Variants in CNTN5 observed in about 807,000 individuals in gnomAD.
CNTN5 encodes the protein contactin-5.
In CNTN5, 77 loss-of-function variants were observed where a neutral mutation model predicts 129.1. That is an observed-to-expected ratio of 0.60 (90% CI 0.50 to 0.72). CNTN5 has a LOEUF of 0.72. CNTN5 is among the 30% of genes least tolerant of loss of function. The probability of loss-of-function intolerance (pLI) is 0.00; values close to 1 mark genes in which losing one functional copy is unlikely to be tolerated. For missense variants in CNTN5, 1,478 were observed against 1,328.8 expected, an observed-to-expected ratio of 1.11 and a Z score of -1.75; for synonymous variants, 509 against 465.6, an observed-to-expected ratio of 1.09 and a Z score of -1.20.
At chr11:100,092,337 T>A (rs987586898) in intron 13 of CNTN5, among the ~76,000 whole-genome samples, 1 of 152,142 alleles carries the variant, frequency 6.6e-6, no homozygotes, top group Non-Finnish European at 1.5e-5. Flanking sequence ...CGGTGAAGCA[T>A]CTGCAAAGCC....
chr11:99,915,682 A>G (rs1225567404), intron 6 of CNTN5, among the ~76,000 whole-genome samples: 1 of 152,170 alleles, frequency 6.6e-6, no homozygotes, highest in East Asian at 1.9e-4. Flanking sequence ...AAGTCCTCTA[A>G]CCAGTTCTGT....
intron 8 of CNTN5, among the ~76,000 whole-genome samples, chr11:99,981,402 C>A (rs1422525953): frequency 1.3e-5 from 2 of 152,022 alleles, no homozygotes; most frequent in East Asian, 3.9e-4. Flanking sequence ...ATCTCATTTC[C>A]AGGAAATAGA....
intron 24 of CNTN5, among the ~76,000 whole-genome samples, chr11:100,355,822 TA>T: frequency 6.6e-6 from 1 of 151,884 alleles, no homozygotes; most frequent in South Asian, 2.1e-4. Flanking sequence ...AAAATTATTT[TA>T]TTTTTTATAT....
rs773149888 is a variant in CNTN5, at chr11:100,356,099, A to T, written c.3200-18A>T. On this transcript the variant is annotated intron_variant, in intron 24 of 24. Coordinates refer to ENST00000524871, the MANE Select transcript of CNTN5 (RefSeq NM_014361.4). ...AAACCAAGATAATTTGCTCCATTTG[A>T]TGCTTCTTTTTTCACAGGTGGAAAA... The T allele has an allele frequency of 6.4e-7, 1 of 1,567,992 alleles. No homozygotes were observed. Among genetic ancestry groups the T allele is most frequent in the South Asian group, 1.1e-5 (1 of 88,098 alleles).
intron 16 of CNTN5, among the ~76,000 whole-genome samples, chr11:100,230,830 T>C (rs1949471798): frequency 6.6e-6 from 1 of 152,204 alleles, no homozygotes; most frequent in South Asian, 2.1e-4. Flanking sequence ...ACTCTTCAAA[T>C]TTGAGAAAAG....
intron 23 of CNTN5, among the ~76,000 whole-genome samples, chr11:100,349,166 G>A (rs1413563565): frequency 6.6e-6 from 1 of 151,908 alleles, no homozygotes; most frequent in Non-Finnish European, 1.5e-5. Context: ...AAGTGAAATG[G>A]AGGGAGCATT....
intron 9 of CNTN5, among the ~76,000 whole-genome samples, chr11:100,009,924 C>T (rs915465184): frequency 1.3e-5 from 2 of 152,160 alleles, no homozygotes; most frequent in Non-Finnish European, 2.9e-5. Context: ...CATAACATTT[C>T]AAACCGGTTG....
chr11:99,404,323 A>G (rs1176139521), intron 2 of CNTN5, among the ~76,000 whole-genome samples: 2 of 151,840 alleles, frequency 1.3e-5, no homozygotes, highest in Non-Finnish European at 2.9e-5. Context: ...TTGATAGAAA[A>G]ATTTAGTCCA....
intron 3 of CNTN5, among the ~76,000 whole-genome samples, chr11:99,681,538 AT>A (rs1953553162): frequency 6.6e-6 from 1 of 152,070 alleles, no homozygotes; most frequent in Admixed American, 6.6e-5. Flanking sequence ...ACAATGAAGT[AT>A]TTTTTAATTA....
chr11:99,614,198 A>G (rs1044904194), intron 3 of CNTN5, among the ~76,000 whole-genome samples: 1 of 152,178 alleles, frequency 6.6e-6, no homozygotes, highest in Non-Finnish European at 1.5e-5. Context: ...TTACACTCCT[A>G]TGTGCTTGTT....
chr11:100,177,155 T>C (rs1314959167), intron 13 of CNTN5, among the ~76,000 whole-genome samples: 1 of 151,950 alleles, frequency 6.6e-6, no homozygotes, highest in Non-Finnish European at 1.5e-5. Context: ...GAAAAGTAAT[T>C]AAGAAAAAAT....
In CNTN5 at chr11:99,572,767, T is replaced by TAA. The variant is rs202189270; in HGVS notation, c.55+16498_55+16499insAA. 1.3e-3 allele frequency among the ~76,000 whole-genome samples: 37 copies of TAA among 27,834 alleles called. 1 individual carries two copies. In the South Asian group the frequency reaches 0.022, roughly 17 times the overall value. 18.3% of individuals were successfully genotyped at this position (27,834 alleles called of 152,430 possible). On this transcript the variant is annotated intron_variant, in intron 3 of 24. Transcript: ENST00000524871. ...AATTTTTAATAATTGAGGGTTTTTTTTAAAAAATAGATTATCAAATGAGAA... is the reference window on the plus strand; with the variant it reads ...AATTTTTAATAATTGAGGGTTTTTTTAATAAAAAATAGATTATCAAATGAGAA...
chr11:99,607,739 C>T (rs1176291689), intron 3 of CNTN5, among the ~76,000 whole-genome samples: 1 of 122,646 alleles, frequency 8.2e-6, no homozygotes, highest in Non-Finnish European at 1.8e-5. Flanking sequence ...GAAAATGTGG[C>T]ACATATACAC....
At chr11:99,698,062 G>GTT (rs11431417) in intron 3 of CNTN5, among the ~76,000 whole-genome samples, 88 of 144,334 alleles carry the variant, frequency 6.1e-4, no homozygotes, top group Middle Eastern at 7.2e-3. Flanking sequence ...ATATGTTAGT[G>GTT]TTTTTTTTTT....
chr11:99,196,234 A>G (rs1297629555), intron 1 of CNTN5, among the ~76,000 whole-genome samples: 9 of 151,952 alleles, frequency 5.9e-5, no homozygotes, highest in Non-Finnish European at 1.2e-4. Context: ...AAATAAAGAA[A>G]TATATATGAA....
chr11:99,596,295 A>T (rs1224639663), intron 3 of CNTN5, among the ~76,000 whole-genome samples: 1 of 152,152 alleles, frequency 6.6e-6, no homozygotes, highest in African/African-American at 2.4e-5. Flanking sequence ...TGCTGAAGAG[A>T]TGAATTCAGT....
chr11:99,029,163 A>T (rs1160644979), intron 1 of CNTN5, among the ~76,000 whole-genome samples: 1 of 151,840 alleles, frequency 6.6e-6, no homozygotes, highest in African/African-American at 2.4e-5. Flanking sequence ...TGAGTCTAGG[A>T]AGAAATTTTT....
At chr11:99,257,752 A>G (rs1051634605) in intron 1 of CNTN5, among the ~76,000 whole-genome samples, 1 of 152,076 alleles carries the variant, frequency 6.6e-6, no homozygotes, top group Admixed American at 6.6e-5. Flanking sequence ...AGCATCCTGT[A>G]AAGCATAGCT....
intron 3 of CNTN5, among the ~76,000 whole-genome samples, chr11:99,576,316 C>T (rs1196906561): frequency 6.6e-6 from 1 of 152,084 alleles, no homozygotes; most frequent in African/African-American, 2.4e-5. Flanking sequence ...CATCAAGAAC[C>T]TCATCTATGG....
Sources: allele counts gnomAD v4.1 joint callset (sites outside exome capture counted in the v4.1 genomes callset), GRCh38; gene constraint gnomAD v4.1.1; transcripts MANE v1.5; gene names NCBI Gene and HGNC (gene_info 2026-07-23, HGNC 2026-07-21).